Variants in H2BC4 observed in about 807,000 individuals in gnomAD.
H2BC4 encodes histone H2B type 1-C/E/F/G/I.
In H2BC4, 10 loss-of-function variants were observed where a neutral mutation model predicts 6.2. The observed-to-expected ratio is 1.61, with a 90% CI of 0.99 to 2.73. H2BC4 has a LOEUF of 2.73. Ranked by LOEUF, H2BC4 falls within the 30% of genes most tolerant of loss-of-function variation. The probability of loss-of-function intolerance (pLI) is 0.00; values close to 1 mark genes in which losing one functional copy is unlikely to be tolerated. For missense variants in H2BC4, 176 were observed against 168.7 expected (o/e 1.04, Z -0.24); for synonymous variants, 146 against 70.7 (o/e 2.07, Z -5.35).
chr6:26,122,555 T>C (rs198824), downstream of H2BC4, among the ~76,000 whole-genome samples: 72,365 of 151,992 alleles, frequency 0.48, 17,856 homozygotes, highest in Non-Finnish European at 0.54. Flanking sequence ...CTCTAGGAGA[T>C]ACAGTGTATG....
At chr6:26,123,394 G>A (rs1183738330), downstream of H2BC4, 5 of 1,457,444 alleles carry the variant, frequency 3.4e-6, no homozygotes, top group African/African-American at 7.1e-5. Context: ...CCCCTCTCCA[G>A]TTCCTATATT....
chr6:26,123,249 CGA>C (rs1159444678), downstream of H2BC4: 7 of 524,022 alleles, frequency 1.3e-5, no homozygotes, highest in Non-Finnish European at 2.2e-5. Context: ...CCGGGAACGC[CGA>C]GTTAGCAAAA....
At chr6:26,119,985 A>C (rs1205891190), downstream of H2BC4, among the ~76,000 whole-genome samples, 1 of 152,134 alleles carries the variant, frequency 6.6e-6, no homozygotes, top group Non-Finnish European at 1.5e-5. Flanking sequence ...TCTCTTAATT[A>C]GAACTTAAAG....
chr6:26,118,464 G>T (rs1368312639), intron 1 of H2BC4, among the ~76,000 whole-genome samples: 2 of 152,134 alleles, frequency 1.3e-5, no homozygotes, highest in Admixed American at 1.3e-4. Context: ...AAGTTATAAA[G>T]GTCCTTGTTA....
chr6:26,116,472 C>CA (rs1295328337), intron 1 of H2BC4, among the ~76,000 whole-genome samples: 9 of 152,026 alleles, frequency 5.9e-5, no homozygotes, highest in Non-Finnish European at 1.3e-4. Context: ...GCAGGAGGAT[C>CA]ACTTAAGCCC....
In H2BC4 at chr6:26,123,921, T is replaced by C. The variant is rs766758897; in HGVS notation, c.-17A>G. 5 of 1,610,390 alleles carry C rather than the reference T, an allele frequency of 3.1e-6. No homozygotes were observed. Among genetic ancestry groups the C allele is most frequent in the African/African-American group, 1.3e-5 (1 of 74,428 alleles). ...CTCAGGCATCTTAAAACACCAGAAA[T>C]GTGTCGAAAGTAAAGAGCGGATTTC... On this transcript the variant is annotated 5_prime_UTR_variant, in exon 1 of 1. Coordinates refer to ENST00000396984, the MANE Select transcript of H2BC4 (RefSeq NM_003526.3).
At chr6:26,116,978 G>T (rs1469466585) in intron 1 of H2BC4, among the ~76,000 whole-genome samples, 1 of 152,080 alleles carries the variant, frequency 6.6e-6, no homozygotes, top group Non-Finnish European at 1.5e-5. Flanking sequence ...TTTAATTTAG[G>T]ACTACTGGGA....
Position 26,123,789 on chromosome 6 carries a change from G to T in H2BC4, c.116C>A (p.Ser39Tyr). 6.2e-7 allele frequency: 1 copy of T among 1,614,266 alleles called. No individual in the cohort carries two copies. Reference protein sequence around the residue: ...KRKRSRKESYSVYVYKVLKQV... With the variant: ...KRKRSRKESYYVYVYKVLKQV... ...TTTCAGCACCTTGTACACGTACACA[G>T]AGTAACTCTCCTTGCGGCTGCGCTT... The change falls in exon 1 of 1, where the codon TCT becomes TAT. Residue 39 changes from serine to tyrosine, a missense_variant. Ser to Tyr is a moderately radical substitution (Grantham distance 144). Coordinates refer to ENST00000396984, the MANE Select transcript of H2BC4 (RefSeq NM_003526.3).
chr6:26,116,414 G>A (rs113344121), intron 1 of H2BC4, among the ~76,000 whole-genome samples: 2,264 of 152,200 alleles, frequency 0.015, 40 homozygotes, highest in African/African-American at 0.041. Context: ...GAAGTGGGGC[G>A]GGGTACAGTG....
downstream of H2BC4, among the ~76,000 whole-genome samples, chr6:26,121,097 A>C (rs1763490973): frequency 6.6e-6 from 1 of 152,234 alleles, no homozygotes; most frequent in South Asian, 2.1e-4. Context: ...AGGTGGAAAG[A>C]GGCATACAAG....
rs764641345 is a variant in H2BC4, at chr6:26,123,498, G to A, written c.*26C>T. The A allele has an allele frequency of 1.9e-5, 31 of 1,613,904 alleles. No homozygotes were observed. Among genetic ancestry groups the A allele is most frequent in the South Asian group, 1.5e-4 (14 of 91,076 alleles). ...GCTCTTAAAAGAGCCTTTGGGGTTA[G>A]GTGTTAAGACGCTTACTTGGAATGT... On this transcript the variant is annotated 3_prime_UTR_variant, in exon 1 of 1. Transcript: ENST00000396984.
chr6:26,122,035 AAG>A (rs1392240453), downstream of H2BC4, among the ~76,000 whole-genome samples: 2 of 140,530 alleles, frequency 1.4e-5, no homozygotes, highest in South Asian at 4.4e-4. Flanking sequence ...CCTGGGAAAC[AAG>A]AGAGAAACTT....
downstream of H2BC4, among the ~76,000 whole-genome samples, chr6:26,120,229 G>A (rs1490642088): frequency 1.3e-5 from 2 of 152,084 alleles, no homozygotes; most frequent in Non-Finnish European, 2.9e-5. Context: ...TTGGGAGGCC[G>A]AGGTGGATCA....
chr6:26,120,184 T>G (rs1581411135), downstream of H2BC4, among the ~76,000 whole-genome samples: 1 of 152,210 alleles, frequency 6.6e-6, no homozygotes, highest in African/African-American at 2.4e-5. Flanking sequence ...TAGTCTTTTC[T>G]GGGCACGGTG....
chr6:26,119,603 A>G (rs1763472007), downstream of H2BC4, among the ~76,000 whole-genome samples: 1 of 152,148 alleles, frequency 6.6e-6, no homozygotes, highest in African/African-American at 2.4e-5. Context: ...ACAATTTTAG[A>G]ATAATAAATA....
intron 1 of H2BC4, among the ~76,000 whole-genome samples, chr6:26,117,452 T>G (rs1763436962): frequency 6.6e-6 from 1 of 152,230 alleles, no homozygotes; most frequent in Non-Finnish European, 1.5e-5. Context: ...TCCCACATCT[T>G]ATATGTGGTG....
chr6:26,123,429 A>G, downstream of H2BC4: 1 of 1,557,674 alleles, frequency 6.4e-7, no homozygotes, highest in Non-Finnish European at 8.7e-7. Flanking sequence ...CCGCCAAATA[A>G]AATTTGGCGT....
chr6:26,116,716 A>G (rs1398299954), intron 1 of H2BC4, among the ~76,000 whole-genome samples: 1 of 152,164 alleles, frequency 6.6e-6, no homozygotes, highest in African/African-American at 2.4e-5. Flanking sequence ...TCTGAAAAAA[A>G]GAACTGAGGT....
rs768148798 is a variant in H2BC4, at chr6:26,123,628, T to C, written c.277A>G (p.Arg93Gly). 1 of 1,614,122 alleles carries C rather than the reference T, an allele frequency of 6.2e-7. No homozygotes were observed. The highest frequency in any genetic ancestry group is 1.3e-5 in the African/African-American group (1 of 74,950). Residue 93 changes from arginine (R) to glycine (G), a missense_variant, in exon 1 of 1, where the codon AGG (arginine) becomes GGG (glycine). By Grantham distance (125) the Arg-to-Gly change is moderately radical (BLOSUM62 -2). Transcript: ENST00000396984. ...AGGCGCACGGCCGTCTGGATCTCCC[T>C]GGAGGTGATGGTCGAGCGCTTGTTG... ...HYNKRSTITS[R>G]EIQTAVRLLL...
Sources: allele counts gnomAD v4.1 joint callset (sites outside exome capture counted in the v4.1 genomes callset), GRCh38; gene constraint gnomAD v4.1.1; transcripts MANE v1.5; gene names NCBI Gene and HGNC (gene_info 2026-07-23, HGNC 2026-07-21).